The following DAB1 variants were observed in gnomAD, a reference collection of about 807,000 sequenced individuals.
The protein encoded by DAB1 is disabled homolog 1.
Under a neutral mutation model 64.6 loss-of-function variants are expected in DAB1, and 15 were observed. That is an observed-to-expected ratio of 0.23 (90% confidence interval 0.16 to 0.36). The LOEUF (loss-of-function observed/expected upper bound fraction) is 0.36. Among genes scored for constraint, DAB1 ranks in the 10% least tolerant of loss-of-function variants. The probability of loss-of-function intolerance (pLI) is 1.00; values close to 1 mark genes in which losing one functional copy is unlikely to be tolerated. For synonymous variants in DAB1, 235 were observed against 251.9 expected (o/e 0.93, Z 0.64); for missense variants, 596 against 706.7 (o/e 0.84, Z 1.78).
rs1203225425 is a variant in DAB1, at chr1:57,585,196, C to T, written n.625+64396G>A. ...CCTGGGAGGCGGAGGGTGCAGTGAGCCAAGATCAAGCCACTGCACTCCAGC... is the reference window on the plus strand; with the variant it reads ...CCTGGGAGGCGGAGGGTGCAGTGAGTCAAGATCAAGCCACTGCACTCCAGC... On this transcript the variant is annotated intron_variant and non_coding_transcript_variant, in intron 7 of 20. Coordinates refer to the DAB1 transcript ENST00000485760. Among the ~76,000 whole-genome samples, 3 of 129,806 alleles carry T rather than the reference C, an allele frequency of 2.3e-5. No individual in the cohort carries two copies. The East Asian group carries it at 7.3e-4, about 31-fold the overall frequency. The allele number at this position is 129,806 out of a possible 152,430, so 85.2% of individuals were successfully genotyped here.
At chr1:58,136,630 G>A (rs113158177) in intron 5 of DAB1, among the ~76,000 whole-genome samples, 2 of 152,200 alleles carry the variant, frequency 1.3e-5, no homozygotes, top group African/African-American at 4.8e-5. Context: ...AAAACCCAGA[G>A]GCTGGATGGC....
intron 6 of DAB1, among the ~76,000 whole-genome samples, chr1:57,794,528 C>T (rs1650751042): frequency 6.6e-6 from 1 of 152,162 alleles, no homozygotes; most frequent in African/African-American, 2.4e-5. Flanking sequence ...TCAGCCTTGG[C>T]ACTCCCTCTT....
intron 9 of DAB1, among the ~76,000 whole-genome samples, chr1:57,052,594 C>T (rs181829682): frequency 6.6e-5 from 10 of 152,248 alleles, no homozygotes; most frequent in South Asian, 4.2e-4. Flanking sequence ...AAGTTATTAA[C>T]GGTGAAGACA....
chr1:57,158,823 CTAAT>C (rs1021630145), intron 2 of DAB1, among the ~76,000 whole-genome samples: 4 of 152,132 alleles, frequency 2.6e-5, no homozygotes, highest in African/African-American at 9.7e-5. Context: ...AAAAGGTAAA[CTAAT>C]TAAAGAGCTA....
At chr1:57,105,596 T>C (rs1322087456) in intron 4 of DAB1, among the ~76,000 whole-genome samples, 1 of 152,152 alleles carries the variant, frequency 6.6e-6, no homozygotes. Flanking sequence ...AACTCACACA[T>C]TTTAATACCC....
At chr1:57,641,336 T>C (rs540230284) in intron 7 of DAB1, among the ~76,000 whole-genome samples, 13 of 151,544 alleles carry the variant, frequency 8.6e-5, no homozygotes, top group Admixed American at 2.0e-4. Context: ...AAACCCAATG[T>C]TCCCTGGTGA....
At chr1:58,542,841 G>A (rs532520172) in intron 1 of DAB1, among the ~76,000 whole-genome samples, 15 of 152,296 alleles carry the variant, frequency 9.8e-5, no homozygotes, top group African/African-American at 2.6e-4. Flanking sequence ...TAGCTACAGA[G>A]CTAGGAGTAG....
intron 6 of DAB1, among the ~76,000 whole-genome samples, chr1:57,704,876 C>A (rs1460861772): frequency 2.7e-5 from 2 of 73,802 alleles, no homozygotes; most frequent in African/African-American, 1.2e-4. Flanking sequence ...TGGGAAATTT[C>A]TTTTCCTTCC....
intron 6 of DAB1, among the ~76,000 whole-genome samples, chr1:57,797,874 T>C (rs1428767498): frequency 6.6e-6 from 1 of 152,172 alleles, no homozygotes; most frequent in Non-Finnish European, 1.5e-5. Context: ...CTGTACAAGC[T>C]ATACAAATGT....
chr1:57,699,959 A>G (rs1224798045), intron 6 of DAB1, among the ~76,000 whole-genome samples: 1 of 152,090 alleles, frequency 6.6e-6, no homozygotes, highest in Non-Finnish European at 1.5e-5. Flanking sequence ...AAATTTAAAG[A>G]TGGTATTTTA....
chr1:58,324,377 CTCT>C (rs1300911932), intron 4 of DAB1, among the ~76,000 whole-genome samples: 2 of 152,168 alleles, frequency 1.3e-5, no homozygotes, highest in Non-Finnish European at 2.9e-5. Flanking sequence ...CGGGTCTCAG[CTCT>C]TCGAGTTTTT....
chr1:58,489,815 G>A (rs919724986), intron 3 of DAB1, among the ~76,000 whole-genome samples: 48 of 152,198 alleles, frequency 3.2e-4, no homozygotes, highest in Non-Finnish European at 6.9e-4. Context: ...CTCCGCTGCT[G>A]ATATCCAGGC....
chr1:57,264,936 G>C (rs1031038626), intron 2 of DAB1, among the ~76,000 whole-genome samples: 1 of 152,148 alleles, frequency 6.6e-6, no homozygotes, highest in African/African-American at 2.4e-5. Context: ...TGTTTCCAAG[G>C]AGTTTTACTG....
intron 7 of DAB1, among the ~76,000 whole-genome samples, chr1:57,448,795 C>G (rs1686243645): frequency 7.0e-6 from 1 of 143,480 alleles, no homozygotes; most frequent in African/African-American, 2.5e-5. Context: ...CACACACACA[C>G]AGATGCACAC....
At chr1:57,325,580 A>ATG (rs1239499521) in intron 1 of DAB1, among the ~76,000 whole-genome samples, 1 of 152,140 alleles carries the variant, frequency 6.6e-6, no homozygotes, top group Non-Finnish European at 1.5e-5. Flanking sequence ...ATTATAACTG[A>ATG]TGTTTTTACA....
At chr1:57,832,643 T>C (rs1258042804) in intron 1 of DAB1, among the ~76,000 whole-genome samples, 1 of 152,218 alleles carries the variant, frequency 6.6e-6, no homozygotes, top group Non-Finnish European at 1.5e-5. Context: ...ATTGAATAAT[T>C]GCAGCTTGCC....
chr1:57,147,416 G>T (rs1396551687), intron 2 of DAB1, among the ~76,000 whole-genome samples: 1 of 151,890 alleles, frequency 6.6e-6, no homozygotes, highest in African/African-American at 2.4e-5. Context: ...CTGGACCTGT[G>T]GTCCTGACCC....
chr1:57,521,591 T>C (rs10493229), intron 7 of DAB1, among the ~76,000 whole-genome samples: 10,631 of 152,206 alleles, frequency 0.07, 1,158 homozygotes, highest in African/African-American at 0.23. Context: ...GTAAACTTAA[T>C]GGACCAAATA....
chr1:58,067,999 T>C (rs1350790733), intron 5 of DAB1, among the ~76,000 whole-genome samples: 1 of 152,170 alleles, frequency 6.6e-6, no homozygotes, highest in Non-Finnish European at 1.5e-5. Flanking sequence ...TTAAAGACAG[T>C]CTTAGCCAGA....
Sources: gnomAD v4.1 joint callset for allele counts (sites outside exome capture counted in the v4.1 genomes callset) on GRCh38, gnomAD v4.1.1 for gene constraint, MANE v1.5 for transcripts, NCBI Gene and HGNC (gene_info 2026-07-23, HGNC 2026-07-21) for gene names.